Variants in LIMCH1 observed in about 807,000 individuals in gnomAD.
LIMCH1 encodes LIM and calponin homology domains-containing protein 1.
In LIMCH1, 113 loss-of-function variants were observed where a neutral mutation model predicts 176.5. That is an observed-to-expected ratio of 0.64 (90% CI 0.55 to 0.75). The LOEUF (loss-of-function observed/expected upper bound fraction) is 0.75, where lower values mean the gene tolerates loss of function less well. Ranked by LOEUF, LIMCH1 falls within the 30% of genes least tolerant of loss-of-function variation. The probability of loss-of-function intolerance (pLI) is 0.00; values close to 1 mark genes in which losing one functional copy is unlikely to be tolerated. For missense variants in LIMCH1, 1,674 were observed against 1,814.9 expected, an observed-to-expected ratio of 0.92 and a Z score of 1.41; for synonymous variants, 619 against 645.9, an observed-to-expected ratio of 0.96 and a Z score of 0.63.
chr4:41,473,882 T>A (rs900635797), intron 1 of LIMCH1, among the ~76,000 whole-genome samples: 1 of 152,130 alleles, frequency 6.6e-6, no homozygotes, highest in Non-Finnish European at 1.5e-5. Context: ...AACCTTATTT[T>A]AAAAATGGGC....
At chr4:41,661,595 G>T in intron 19 of LIMCH1, 85 bp downstream of exon 19, 1 of 1,015,358 alleles carries the variant, frequency 9.8e-7, no homozygotes, top group South Asian at 1.4e-5. Context: ...TTTTCCTACT[G>T]AGCCACAGGA....
intron 12 of LIMCH1, among the ~76,000 whole-genome samples, chr4:41,633,289 A>G (rs2093421037): frequency 6.6e-6 from 1 of 152,170 alleles, no homozygotes; most frequent in Non-Finnish European, 1.5e-5. Context: ...TAGCCTTTGC[A>G]TGTGGCTGAG....
intron 18 of LIMCH1, among the ~76,000 whole-genome samples, chr4:41,655,683 TC>T (rs1395501699): frequency 1.3e-5 from 2 of 151,986 alleles, no homozygotes; most frequent in African/African-American, 2.4e-5. Flanking sequence ...CTTTTTTTTT[TC>T]GTCTTTCCCC....
chr4:41,524,446 A>T (rs773143220), exon 3 of LIMCH1: 10 of 1,613,810 alleles, frequency 6.2e-6, no homozygotes, highest in African/African-American at 2.7e-5. Context: ...TGTTAAAAAG[A>T]TCAATAGATT....
chr4:41,406,689 G>A (rs975009338), intron 1 of LIMCH1, among the ~76,000 whole-genome samples: 6 of 152,108 alleles, frequency 3.9e-5, no homozygotes, highest in African/African-American at 7.2e-5. Context: ...TTACAGTGTC[G>A]CACTGTAAAG....
chr4:41,547,863 GTATATA>G lies in LIMCH1; in HGVS notation c.-241+9542_-241+9547del, dbSNP rs573342962. Among the ~76,000 whole-genome samples the G allele has an allele frequency of 2.5e-3, 232 of 93,224 alleles. 1 individual carries two copies. Among genetic ancestry groups the G allele is most frequent in the East Asian group, 0.01 (31 of 3,050 alleles). The allele number at this position is 93,224 out of a possible 152,430, so 61.2% of individuals were successfully genotyped here. On this transcript the variant is annotated intron_variant, in intron 1 of 31. Transcript: ENST00000503057. ...TTTATGATATATAATTTGTGTGTGT[GTATATA>G]TATATATATATATATATATATATAT...
At chr4:41,660,458 C>T (rs2094582014) in intron 18 of LIMCH1, among the ~76,000 whole-genome samples, 1 of 152,114 alleles carries the variant, frequency 6.6e-6, no homozygotes, top group South Asian at 2.1e-4. Context: ...ACAGAGACTT[C>T]TTAGTGGAGA....
intron 1 of LIMCH1, among the ~76,000 whole-genome samples, chr4:41,466,194 T>A (rs2066092097): frequency 1.3e-5 from 2 of 152,340 alleles, no homozygotes; most frequent in Admixed American, 1.3e-4. Flanking sequence ...CCTGACCTTG[T>A]GATCCGCCTG....
chr4:41,420,031 G>C (rs4607257), intron 1 of LIMCH1, among the ~76,000 whole-genome samples: 8,688 of 152,218 alleles, frequency 0.057, 278 homozygotes, highest in Middle Eastern at 0.11. Context: ...ATGTGATAGA[G>C]GGGCTGATAA....
At position 41,663,004 on chromosome 4, in the gene LIMCH1, A is replaced by G; in HGVS notation, c.3291+20A>G. 6.2e-7 allele frequency: 1 copy of G among 1,608,498 alleles called. No individual in the cohort carries two copies. Among genetic ancestry groups the G allele is most frequent in the Non-Finnish European group, 8.5e-7 (1 of 1,176,252 alleles). On this transcript the variant is annotated intron_variant, in intron 20 of 31. Transcript: ENST00000503057. Reference sequence around the variant, plus strand: ...CAAAAGGTGAAGTGCAGAGTGGAGGAAAGCGGTTAAACCCACAAGTTAACA... The same window carrying G: ...CAAAAGGTGAAGTGCAGAGTGGAGGGAAGCGGTTAAACCCACAAGTTAACA...
At chr4:41,457,560 GA>G in intron 1 of LIMCH1, among the ~76,000 whole-genome samples, 1 of 152,184 alleles carries the variant, frequency 6.6e-6, no homozygotes, top group African/African-American at 2.4e-5. Context: ...TTTTATAAGT[GA>G]AAAAACAGTG....
At chr4:41,464,227 C>T (rs2065780106) in intron 1 of LIMCH1, among the ~76,000 whole-genome samples, 1 of 151,742 alleles carries the variant, frequency 6.6e-6, no homozygotes, top group African/African-American at 2.4e-5. Flanking sequence ...CTGTCCCTCA[C>T]ACTTGCCCTG....
chr4:41,543,534 T>G (rs2078959944), intron 1 of LIMCH1, among the ~76,000 whole-genome samples: 1 of 152,198 alleles, frequency 6.6e-6, no homozygotes, highest in Non-Finnish European at 1.5e-5. Context: ...TTCTTTGTCT[T>G]TGAGCACAAG....
At chr4:41,461,269 G>T (rs754749288) in intron 1 of LIMCH1, among the ~76,000 whole-genome samples, 3 of 152,212 alleles carry the variant, frequency 2.0e-5, no homozygotes, top group African/African-American at 4.8e-5. Flanking sequence ...ATAGGCTGCA[G>T]TCTGGCTGCA....
At chr4:41,394,941 C>T (rs10009893) in intron 1 of LIMCH1, among the ~76,000 whole-genome samples, 4,703 of 152,228 alleles carry the variant, frequency 0.031, 252 homozygotes, top group African/African-American at 0.11. Context: ...GCTAAGTTAA[C>T]GGCTTCACTT....
intron 1 of LIMCH1, among the ~76,000 whole-genome samples, chr4:41,463,900 A>G (rs894925039): frequency 5.3e-5 from 8 of 151,964 alleles, no homozygotes; most frequent in Admixed American, 5.2e-4. Context: ...ATTTTTTTGT[A>G]GGGATGAGGT....
At chr4:41,614,910 C>G (rs2091897371) in intron 5 of LIMCH1, among the ~76,000 whole-genome samples, 1 of 152,198 alleles carries the variant, frequency 6.6e-6, no homozygotes. Flanking sequence ...ACATTTCTTT[C>G]TCTTTGCCTA....
At chr4:41,579,815 A>T (rs1006697068) in intron 1 of LIMCH1, among the ~76,000 whole-genome samples, 2 of 152,150 alleles carry the variant, frequency 1.3e-5, no homozygotes, top group African/African-American at 4.8e-5. Context: ...TGTAACATAC[A>T]TGTAGCGGTC....
chr4:41,415,757 C>T (rs887896963), intron 1 of LIMCH1, among the ~76,000 whole-genome samples: 5 of 152,108 alleles, frequency 3.3e-5, no homozygotes, highest in South Asian at 2.1e-4. Flanking sequence ...GCAGGCAGAT[C>T]GCGAGGTCAG....
Sources: gnomAD v4.1 joint callset for allele counts (sites outside exome capture counted in the v4.1 genomes callset) on GRCh38, gnomAD v4.1.1 for gene constraint, MANE v1.5 for transcripts, NCBI Gene and HGNC (gene_info 2026-07-23, HGNC 2026-07-21) for gene names.